ADAMTS3: variants seen among roughly 807,000 people sequenced by gnomAD.
ADAMTS3 encodes the protein ADAM metallopeptidase with thrombospondin type 1 motif 3.
ADAMTS3 carries 73 observed loss-of-function variants against 129.0 expected under a neutral mutation model. The observed-to-expected ratio is 0.57, with a 90% CI of 0.47 to 0.69. The LOEUF is 0.69. Ranked by LOEUF, ADAMTS3 falls within the 30% of genes least tolerant of loss-of-function variation. The probability of loss-of-function intolerance (pLI) is 0.00; values close to 1 mark genes in which losing one functional copy is unlikely to be tolerated. For missense variants in ADAMTS3, 1,457 were observed against 1,514.5 expected (o/e 0.96, Z 0.63); for synonymous variants, 477 against 510.8 (o/e 0.93, Z 0.89).
chr4:72,419,333 T>C (rs1722385846), intron 3 of ADAMTS3, among the ~76,000 whole-genome samples: 1 of 152,192 alleles, frequency 6.6e-6, no homozygotes, highest in Non-Finnish European at 1.5e-5. Flanking sequence ...TCGCACAAAA[T>C]ATGTATTCAA....
chr4:72,420,543 A>G (rs1483998643), intron 3 of ADAMTS3, among the ~76,000 whole-genome samples: 1 of 152,108 alleles, frequency 6.6e-6, no homozygotes. Flanking sequence ...CTGTCCTCCG[A>G]CACACTCGAT....
In ADAMTS3 at chr4:72,320,828, C is replaced by T. The variant is rs759904471; in HGVS notation, c.988G>A (p.Glu330Lys). ...IERGNPSRSL[E>K]NVCRWASQQQ... is the part of the protein sequence containing the mutation. ...TGGGACGCCCAGCGACACACATTCT[C>T]CAAGCTTCTGGATGGGTTTCCCCTT... is the stretch of plus-strand genomic sequence containing the variant. The change falls in exon 7 of 22, where the codon GAG becomes AAG. Residue 330 changes from glutamate (E) to lysine (K), a missense_variant. Glu to Lys is a moderately conservative substitution (Grantham distance 56, BLOSUM62 1). Coordinates refer to ENST00000286657, the MANE Select transcript of ADAMTS3 (RefSeq NM_014243.3). The T allele has an allele frequency of 3.1e-6, 5 of 1,613,858 alleles. No homozygotes were observed. The highest frequency in any genetic ancestry group is 3.4e-6 in the Non-Finnish European group (4 of 1,179,910).
chr4:72,425,695 G>A (rs563933028), intron 3 of ADAMTS3, among the ~76,000 whole-genome samples: 1 of 151,914 alleles, frequency 6.6e-6, no homozygotes, highest in South Asian at 2.1e-4. Flanking sequence ...AGTATTCTAT[G>A]GTGTATATGT....
At chr4:72,382,629 A>T (rs538753371) in intron 4 of ADAMTS3, among the ~76,000 whole-genome samples, 1 of 152,286 alleles carries the variant, frequency 6.6e-6, no homozygotes, top group East Asian at 1.9e-4. Context: ...CATGGACTCA[A>T]ACTAGGTGTC....
intron 4 of ADAMTS3, among the ~76,000 whole-genome samples, chr4:72,361,101 G>T (rs1226831260): frequency 6.6e-6 from 1 of 152,060 alleles, no homozygotes; most frequent in African/African-American, 2.4e-5. Flanking sequence ...TTCCAGGTAA[G>T]CTGTCTTCAA....
chr4:72,322,738 C>T (rs1205599306), intron 6 of ADAMTS3, among the ~76,000 whole-genome samples: 2 of 152,154 alleles, frequency 1.3e-5, no homozygotes, highest in African/African-American at 4.8e-5. Context: ...AGTATCCATT[C>T]ATTTCCATTC....
chr4:72,410,820 C>T (rs770350745), intron 4 of ADAMTS3, among the ~76,000 whole-genome samples: 8 of 151,974 alleles, frequency 5.3e-5, no homozygotes, highest in Non-Finnish European at 1.0e-4. Flanking sequence ...ATGTCATTTC[C>T]ATGCCCCTAA....
chr4:72,549,759 CACTT>C (rs1215340549), intron 2 of ADAMTS3, among the ~76,000 whole-genome samples: 2 of 151,522 alleles, frequency 1.3e-5, no homozygotes, highest in East Asian at 2.0e-4. Context: ...TATGGGCAGA[CACTT>C]ACATGTTAAA....
At chr4:72,425,253 C>T (rs1258478665) in intron 3 of ADAMTS3, among the ~76,000 whole-genome samples, 1 of 152,042 alleles carries the variant, frequency 6.6e-6, no homozygotes, top group African/African-American at 2.4e-5. Context: ...TCTTGCTTTT[C>T]TTTAATTTCT....
intron 3 of ADAMTS3, among the ~76,000 whole-genome samples, chr4:72,436,941 C>A (rs1408367672): frequency 6.6e-6 from 1 of 151,940 alleles, no homozygotes. Context: ...ACCAACATGG[C>A]ACTTGTATAC....
intron 3 of ADAMTS3, among the ~76,000 whole-genome samples, chr4:72,422,859 C>T (rs1254597309): frequency 1.3e-5 from 2 of 152,066 alleles, no homozygotes. Context: ...TATGAATGCC[C>T]TTTATAAACT....
At chr4:72,492,358 A>G (rs533928313) in intron 3 of ADAMTS3, among the ~76,000 whole-genome samples, 2 of 151,076 alleles carry the variant, frequency 1.3e-5, no homozygotes, top group South Asian at 4.2e-4. Context: ...TTTTTTTTCA[A>G]TATAGGCATT....
At chr4:72,352,805 C>A (rs572472005) in intron 4 of ADAMTS3, among the ~76,000 whole-genome samples, 4 of 151,708 alleles carry the variant, frequency 2.6e-5, no homozygotes, top group African/African-American at 9.7e-5. Context: ...GCATAATGCA[C>A]GCAGAAAGAC....
chr4:72,357,085 A>G (rs1239410020), intron 4 of ADAMTS3, among the ~76,000 whole-genome samples: 1 of 151,894 alleles, frequency 6.6e-6, no homozygotes, highest in African/African-American at 2.4e-5. Context: ...ACCAGATTAA[A>G]CATACCCACT....
intron 12 of ADAMTS3, among the ~76,000 whole-genome samples, 184 bp from the exon 13 acceptor site, chr4:72,312,650 TAAAAC>T (rs1719274158): frequency 1.3e-5 from 2 of 151,692 alleles, no homozygotes; most frequent in South Asian, 4.2e-4. Flanking sequence ...GGTGGAAAAA[TAAAAC>T]AAAACACAAA....
In ADAMTS3 at chr4:72,421,516, T is replaced by G. The variant is rs535984844; in HGVS notation, c.505-6545A>C. Reference sequence around the variant, plus strand: ...TTAGAAGGAAGCTGAAAAGGAATGATGAGAGACATGAGGAAACCCAAGAAG... The same window carrying G: ...TTAGAAGGAAGCTGAAAAGGAATGAGGAGAGACATGAGGAAACCCAAGAAG... On this transcript the variant is annotated intron_variant, in intron 3 of 21. Coordinates refer to ENST00000286657, the MANE Select transcript of ADAMTS3 (RefSeq NM_014243.3). Among the ~76,000 whole-genome samples, 10 of 152,218 alleles carry G rather than the reference T, an allele frequency of 6.6e-5. No individual in the cohort carries two copies. In the South Asian group the frequency reaches 1.9e-3, roughly 28 times the overall value.
chr4:72,402,894 C>T (rs1384292465), intron 4 of ADAMTS3, among the ~76,000 whole-genome samples: 3 of 152,048 alleles, frequency 2.0e-5, no homozygotes, highest in African/African-American at 4.8e-5. Flanking sequence ...AGTGTTCTTA[C>T]GTTAATCAAA....
chr4:72,323,631 G>A (rs769294858), intron 5 of ADAMTS3, among the ~76,000 whole-genome samples: 2 of 152,152 alleles, frequency 1.3e-5, no homozygotes, highest in Non-Finnish European at 2.9e-5. Context: ...GGCAATGACT[G>A]CTTGAAAGTC....
At chr4:72,408,933 G>A (rs185560918) in intron 4 of ADAMTS3, among the ~76,000 whole-genome samples, 294 of 152,114 alleles carry the variant, frequency 1.9e-3, no homozygotes, top group Non-Finnish European at 3.6e-3. Context: ...GGGGCCTAGG[G>A]GAGGGATAAC....
Sources: allele counts gnomAD v4.1 joint callset (sites outside exome capture counted in the v4.1 genomes callset), GRCh38; gene constraint gnomAD v4.1.1; transcripts MANE v1.5; gene names NCBI Gene and HGNC (gene_info 2026-07-23, HGNC 2026-07-21).